Variants in BRAF observed in about 807,000 individuals in gnomAD.
The protein encoded by BRAF is serine/threonine-protein kinase B-raf.
A neutral mutation model predicts 104.6 loss-of-function variants in BRAF; 16 were observed. That is an observed-to-expected ratio of 0.15 (90% CI 0.10 to 0.23). The LOEUF is 0.23. Among genes scored for constraint, BRAF ranks in the 10% least tolerant of loss-of-function variants. BRAF has a pLI of 1.00. For missense variants in BRAF, 541 were observed against 937.3 expected (o/e 0.58, Z 5.52); for synonymous variants, 310 against 341.6 (o/e 0.91, Z 1.02).
chr7:140,732,986 A>G (rs879445310), intron 19 of BRAF: 13 of 152,192 alleles, frequency 8.5e-5, no homozygotes, highest in Admixed American at 1.3e-4. Context: ...ATATACTTAG[A>G]TATTTTCCAA....
At chr7:140,762,425 CAAGAGA>C (rs1366187056) in intron 14 of BRAF, among the ~76,000 whole-genome samples, 2 of 152,208 alleles carry the variant, frequency 1.3e-5, no homozygotes, top group African/African-American at 4.8e-5. Flanking sequence ...TAAATGCCCA[CAAGAGA>C]AAGCAGGAAA....
chr7:140,803,972 C>T (rs1157681489), intron 5 of BRAF, among the ~76,000 whole-genome samples: 1 of 152,064 alleles, frequency 6.6e-6, no homozygotes, highest in Non-Finnish European at 1.5e-5. Context: ...GCAACCTCTG[C>T]CTCCTGGTTT....
intron 2 of BRAF, among the ~76,000 whole-genome samples, chr7:140,840,635 A>G (rs918165361): frequency 5.3e-5 from 8 of 151,824 alleles, no homozygotes; most frequent in African/African-American, 1.9e-4. Flanking sequence ...TACAAAAAAT[A>G]CAAAAATTAT....
At chr7:140,857,575 G>A (rs1809943021) in intron 1 of BRAF, among the ~76,000 whole-genome samples, 1 of 152,218 alleles carries the variant, frequency 6.6e-6, no homozygotes, top group Middle Eastern at 3.4e-3. Flanking sequence ...TTACTAATGA[G>A]TTTATTAATA....
At chr7:140,853,856 C>G (rs995585572) in intron 1 of BRAF, among the ~76,000 whole-genome samples, 1 of 152,044 alleles carries the variant, frequency 6.6e-6, no homozygotes, top group Non-Finnish European at 1.5e-5. Flanking sequence ...CTTCCCACTC[C>G]CCAACAGAAT....
At chr7:140,810,852 T>C (rs1000515954) in intron 3 of BRAF, among the ~76,000 whole-genome samples, 1 of 152,252 alleles carries the variant, frequency 6.6e-6, no homozygotes, top group Non-Finnish European at 1.5e-5. Flanking sequence ...AAGCTTTCTC[T>C]TGCCTTCTTG....
At chr7:140,859,463 A>G (rs927494405) in intron 1 of BRAF, among the ~76,000 whole-genome samples, 24 of 152,038 alleles carry the variant, frequency 1.6e-4, no homozygotes, top group African/African-American at 5.8e-4. Flanking sequence ...ATACTTCTTT[A>G]TTTTTCTCCA....
chr7:140,717,069 A>C (rs990315375), downstream of BRAF, among the ~76,000 whole-genome samples: 1 of 152,222 alleles, frequency 6.6e-6, no homozygotes, highest in Non-Finnish European at 1.5e-5. Flanking sequence ...CATGCCTAAC[A>C]CAACAACCAT....
chr7:140,796,866 C>T (rs1043881956), intron 7 of BRAF, among the ~76,000 whole-genome samples: 3 of 152,122 alleles, frequency 2.0e-5, no homozygotes, highest in Non-Finnish European at 2.9e-5. Context: ...TGAGTGGTGG[C>T]GCACACAACA....
chr7:140,720,943 C>G lies in BRAF; in HGVS notation c.*5551G>C, dbSNP rs948545626. 13 of 1,065,422 alleles carry G rather than the reference C, an allele frequency of 1.2e-5. No homozygotes were observed. Among genetic ancestry groups the G allele is most frequent in the Non-Finnish European group, 1.4e-5 (12 of 879,452 alleles). 66.0% of individuals were successfully genotyped at this position (1,065,422 alleles called of 1,614,324 possible). ...CCGCATATGTGCTGTACATGAGAAC[C>G]AGCGGTCACGGTGCTGGAGAATGAA... On this transcript the variant is annotated 3_prime_UTR_variant, in exon 20 of 20. Transcript: ENST00000644969.
At chr7:140,818,144 A>C (rs1422518017) in intron 3 of BRAF, among the ~76,000 whole-genome samples, 1 of 152,132 alleles carries the variant, frequency 6.6e-6, no homozygotes, top group African/African-American at 2.4e-5. Flanking sequence ...TGGGGACAAG[A>C]TGGGACGATG....
chr7:140,785,533 C>A (rs980823628), intron 10 of BRAF, among the ~76,000 whole-genome samples: 1 of 152,158 alleles, frequency 6.6e-6, no homozygotes, highest in Non-Finnish European at 1.5e-5. Flanking sequence ...ACGTGTGAGA[C>A]GTACATTCAA....
intron 3 of BRAF, among the ~76,000 whole-genome samples, chr7:140,814,742 T>C (rs986341897): frequency 2.2e-5 from 3 of 139,046 alleles, no homozygotes; most frequent in Non-Finnish European, 4.5e-5. Context: ...ACATAATTTA[T>C]ATACAATATA....
At chr7:140,891,128 A>C (rs965586257) in intron 1 of BRAF, among the ~76,000 whole-genome samples, 3 of 152,228 alleles carry the variant, frequency 2.0e-5, no homozygotes, top group Non-Finnish European at 4.4e-5. Flanking sequence ...AGATGTGCCT[A>C]AAATACTCTG....
chr7:140,721,540 T>A lies in BRAF; in HGVS notation c.*4954A>T. On this transcript the variant is annotated 3_prime_UTR_variant, in exon 20 of 20. Transcript: ENST00000644969. ...AAAACAAACATCTTACCAGTATTTT[T>A]AATTTTACCAGAGCTAGCAACATGG... 6.9e-7 allele frequency: 1 copy of A among 1,442,764 alleles called. No homozygotes were observed. Among genetic ancestry groups the A allele is most frequent in the Non-Finnish European group, 9.1e-7 (1 of 1,101,930 alleles). 89.4% of individuals were successfully genotyped at this position (1,442,764 alleles called of 1,614,324 possible).
At chr7:140,830,266 T>G (rs1166787968) in intron 3 of BRAF, among the ~76,000 whole-genome samples, 2 of 152,226 alleles carry the variant, frequency 1.3e-5, no homozygotes, top group African/African-American at 2.4e-5. Flanking sequence ...AAAAATTAGG[T>G]TGATTTGGTG....
At chr7:140,758,734 T>G (rs1415688024) in intron 14 of BRAF, among the ~76,000 whole-genome samples, 1 of 152,176 alleles carries the variant, frequency 6.6e-6, no homozygotes, top group Non-Finnish European at 1.5e-5. Context: ...GAATTATAGG[T>G]GTAAGCCATC....
intron 3 of BRAF, among the ~76,000 whole-genome samples, chr7:140,809,762 T>C (rs1259526383): frequency 2.6e-5 from 4 of 151,964 alleles, no homozygotes; most frequent in Admixed American, 6.6e-5. Context: ...GAGCCCTCAA[T>C]GGCCATATTC....
chr7:140,876,200 ATTTC>A (rs1563010649), intron 1 of BRAF, among the ~76,000 whole-genome samples: 5 of 152,222 alleles, frequency 3.3e-5, no homozygotes, highest in African/African-American at 1.2e-4. Flanking sequence ...TAGTTTTAAC[ATTTC>A]TTTAAGTGGA....
Sources: gnomAD v4.1 joint callset for allele counts (sites outside exome capture counted in the v4.1 genomes callset) on GRCh38, gnomAD v4.1.1 for gene constraint, MANE v1.5 for transcripts, NCBI Gene and HGNC (gene_info 2026-07-23, HGNC 2026-07-21) for gene names.